ITSN1: variants seen among roughly 807,000 people sequenced by gnomAD.
ITSN1 encodes intersectin-1.
In ITSN1, 58 loss-of-function variants were observed where a neutral mutation model predicts 239.8. The ratio of observed to expected loss-of-function variants is 0.24; its 90% CI spans 0.20 to 0.30. The LOEUF is 0.30. ITSN1 is among the 10% of genes least tolerant of loss of function. The pLI, the probability that ITSN1 is intolerant of heterozygous loss-of-function variation, is 1.00. For synonymous variants in ITSN1, 780 were observed against 770.8 expected, an observed-to-expected ratio of 1.01 and a Z score of -0.20; for missense variants, 1,558 against 2,103.3, an observed-to-expected ratio of 0.74 and a Z score of 5.07.
Position 33,794,389 on chromosome 21 carries a change from A to T in ITSN1, c.1873A>T (p.Met625Leu), listed in dbSNP as rs1031160893. ...GCAACAACTCCAGAAGCAAAAGTCC[A>T]TGGAGGCTGAACGACTGAAACAGAA... Reference protein sequence around the residue: ...NKQQLQKQKSMEAERLKQKEQ... With the variant: ...NKQQLQKQKSLEAERLKQKEQ... Residue 625 changes from methionine (M) to leucine (L), a missense_variant, in exon 17 of 40, where the codon ATG (methionine) becomes TTG (leucine). By Grantham distance (15) the Met-to-Leu change is conservative (BLOSUM62 2). This residue lies in a region of ITSN1 where 982 missense variants were observed against 1,209.9 expected (regional missense o/e 0.81). Coordinates refer to ENST00000381318, the MANE Select transcript of ITSN1 (RefSeq NM_003024.3). 1 of 1,613,930 alleles carries T rather than the reference A, an allele frequency of 6.2e-7. No homozygotes were observed. Among genetic ancestry groups the T allele is most frequent in the Non-Finnish European group, 8.5e-7 (1 of 1,179,972 alleles).
intron 14 of ITSN1, among the ~76,000 whole-genome samples, chr21:33,780,827 C>G (rs902865407): frequency 6.6e-6 from 1 of 152,084 alleles, no homozygotes; most frequent in Non-Finnish European, 1.5e-5. Context: ...GCAAGTTAAC[C>G]ACAAAAATTC....
At chr21:33,703,027 A>C (rs1173064784) in intron 1 of ITSN1, among the ~76,000 whole-genome samples, 1 of 151,726 alleles carries the variant, frequency 6.6e-6, no homozygotes, top group African/African-American at 2.4e-5. Flanking sequence ...CAGTGATTGC[A>C]GTGAGCCGAG....
intron 6 of ITSN1, among the ~76,000 whole-genome samples, chr21:33,750,796 T>C (rs1382391657): frequency 6.6e-6 from 1 of 152,224 alleles, no homozygotes; most frequent in Non-Finnish European, 1.5e-5. Flanking sequence ...GCCTGCTTAA[T>C]TGAAGGAAAG....
intron 27 of ITSN1, among the ~76,000 whole-genome samples, chr21:33,832,468 G>T (rs1164291168): frequency 6.6e-6 from 1 of 152,232 alleles, no homozygotes; most frequent in Non-Finnish European, 1.5e-5. Flanking sequence ...GAGTGTTTGA[G>T]TGGTTCTTAG....
At chr21:33,760,124 A>T (rs547206308) in intron 8 of ITSN1, among the ~76,000 whole-genome samples, 1 of 152,124 alleles carries the variant, frequency 6.6e-6, no homozygotes, top group South Asian at 2.1e-4. Flanking sequence ...AAAAAAGAAA[A>T]GAAAAGAAAA....
chr21:33,726,235 C>A (rs957368170), intron 4 of ITSN1, among the ~76,000 whole-genome samples: 21 of 152,186 alleles, frequency 1.4e-4, no homozygotes, highest in African/African-American at 5.1e-4. Context: ...CTGAAGTGAT[C>A]TGCCTGCCTC....
chr21:33,871,809 G>A (rs1177458810), intron 33 of ITSN1, among the ~76,000 whole-genome samples: 1 of 152,126 alleles, frequency 6.6e-6, no homozygotes, highest in African/African-American at 2.4e-5. Context: ...GTATGGAATA[G>A]CAGTGAAGAG....
chr21:33,841,158 T>C (rs1027995378), intron 29 of ITSN1, among the ~76,000 whole-genome samples: 1 of 152,224 alleles, frequency 6.6e-6, no homozygotes, highest in African/African-American at 2.4e-5. Context: ...TAGAAACTGG[T>C]ATCTTCCCTG....
chr21:33,755,544 C>T (rs2067848410), intron 8 of ITSN1, 147 bp downstream of exon 8: 1 of 577,570 alleles, frequency 1.7e-6, no homozygotes, highest in Non-Finnish European at 3.0e-6. Flanking sequence ...TTCTTATCCA[C>T]TGATAACTCT....
At chr21:33,731,344 T>C (rs1167549029) in intron 4 of ITSN1, among the ~76,000 whole-genome samples, 1 of 152,186 alleles carries the variant, frequency 6.6e-6, no homozygotes. Context: ...GACTGATTGA[T>C]TGGTTTTAGT....
intron 16 of ITSN1, among the ~76,000 whole-genome samples, chr21:33,786,480 A>T (rs144607799): frequency 6.6e-6 from 1 of 152,366 alleles, no homozygotes; most frequent in East Asian, 1.9e-4. Context: ...ATTATGATTC[A>T]AACAAGTGTT....
intron 33 of ITSN1, among the ~76,000 whole-genome samples, chr21:33,873,569 A>C (rs764705090): frequency 6.6e-6 from 1 of 152,226 alleles, no homozygotes; most frequent in Non-Finnish European, 1.5e-5. Flanking sequence ...GAGGAACCTG[A>C]GACTCAGAAC....
intron 29 of ITSN1, among the ~76,000 whole-genome samples, chr21:33,839,239 A>G (rs1182284091): frequency 6.6e-6 from 1 of 152,234 alleles, no homozygotes; most frequent in African/African-American, 2.4e-5. Flanking sequence ...AACTCCTGCA[A>G]TCCATATAAA....
chr21:33,826,280 G>A (rs1340568105), intron 25 of ITSN1, among the ~76,000 whole-genome samples: 1 of 152,214 alleles, frequency 6.6e-6, no homozygotes, highest in Non-Finnish European at 1.5e-5. Context: ...TGGATAGAGA[G>A]GGGTGAATAG....
intron 12 of ITSN1, chr21:33,774,492 G>T: frequency 2.9e-6 from 1 of 342,978 alleles, no homozygotes; most frequent in Non-Finnish European, 5.2e-6. Flanking sequence ...AAATAATCCT[G>T]TCATCTTACG....
chr21:33,719,995 C>T (rs1382687137), intron 2 of ITSN1, among the ~76,000 whole-genome samples: 1 of 152,190 alleles, frequency 6.6e-6, no homozygotes, highest in Non-Finnish European at 1.5e-5. Flanking sequence ...CCGTGGGATT[C>T]TGGTACAGAG....
chr21:33,799,856 A>G lies in ITSN1; in HGVS notation c.2231A>G (p.Tyr744Cys). 2.5e-6 allele frequency: 4 copies of G among 1,613,990 alleles called. No individual in the cohort carries two copies. Among genetic ancestry groups the G allele is most frequent in the Non-Finnish European group, 3.4e-6 (4 of 1,179,934 alleles). The change falls in exon 19 of 40, where the codon TAT (tyrosine) becomes TGT (cysteine). Residue 744 changes from tyrosine to cysteine, a missense_variant. Coordinates refer to ENST00000381318, the MANE Select transcript of ITSN1 (RefSeq NM_003024.3). ...GCACAGGAAAATGTAAAAGTGGTGT[A>G]TTACCGGGCACTGTACCCCTTTGAA... ...ISAQENVKVV[Y>C]YRALYPFESR...
chr21:33,755,566 T>C (rs1293228737), intron 8 of ITSN1, among the ~76,000 whole-genome samples, 169 bp downstream of exon 8: 1 of 152,240 alleles, frequency 6.6e-6, no homozygotes, highest in Non-Finnish European at 1.5e-5. Flanking sequence ...TACATAGTTA[T>C]ATCATTCTCT....
rs58496273 is a variant in ITSN1 at position 33,784,310 on chromosome 21, A to AACACACACACACACACACACACACAC, written c.1824+2196_1824+2221dup. On this transcript the variant is annotated intron_variant, in intron 16 of 39. Coordinates refer to ENST00000381318, the MANE Select transcript of ITSN1 (RefSeq NM_003024.3). ...AAAGGGTGAAGCCCTGTCTCTACAA[A>AACACACACACACACACACACACACAC]ACACACACACACACACACACACACA... is the stretch of plus-strand genomic sequence containing the variant. Among the ~76,000 whole-genome samples the AACACACACACACACACACACACACAC allele has an allele frequency of 3.6e-4, 48 of 134,206 alleles. 1 individual carries two copies. Among genetic ancestry groups the AACACACACACACACACACACACACAC allele is most frequent in the Admixed American group, 1.6e-3 (21 of 12,818 alleles). The allele number at this position is 134,206 out of a possible 152,430, so 88.0% of individuals were successfully genotyped here.
Sources: gnomAD v4.1 joint callset for allele counts (sites outside exome capture counted in the v4.1 genomes callset) on GRCh38, gnomAD v4.1.1 for gene constraint, gnomAD v4.1.1 regional missense constraint, MANE v1.5 for transcripts, NCBI Gene and HGNC (gene_info 2026-07-23, HGNC 2026-07-21) for gene names.